Variants in GSE1 observed in about 807,000 individuals in gnomAD.
The protein encoded by GSE1 is Gse1 coiled-coil protein, also known as genetic suppressor element 1.
Under a neutral mutation model 112.6 loss-of-function variants are expected in GSE1, and 32 were observed. The observed-to-expected ratio is 0.28, with a 90% CI of 0.21 to 0.38. GSE1 has a LOEUF of 0.38. Among genes scored for constraint, GSE1 ranks in the 10% least tolerant of loss-of-function variants. The probability of loss-of-function intolerance (pLI) is 1.00; values close to 1 mark genes in which losing one functional copy is unlikely to be tolerated. For synonymous variants in GSE1, 1,115 were observed against 735.6 expected, an observed-to-expected ratio of 1.52 and a Z score of -8.35; for missense variants, 2,348 against 1,699.2, an observed-to-expected ratio of 1.38 and a Z score of -6.71.
chr16:85,590,774 C>T (rs758566998), intron 1 of GSE1, among the ~76,000 whole-genome samples: 8 of 152,176 alleles, frequency 5.3e-5, no homozygotes, highest in Non-Finnish European at 8.8e-5. Context: ...GGCTCCCGCC[C>T]GGCCACGCTG....
At chr16:85,390,148 G>C (rs921149197) in intron 2 of GSE1, among the ~76,000 whole-genome samples, 1 of 152,170 alleles carries the variant, frequency 6.6e-6, no homozygotes, top group Non-Finnish European at 1.5e-5. Flanking sequence ...GTTGTACAAA[G>C]GGAACTGTGT....
intron 2 of GSE1, among the ~76,000 whole-genome samples, chr16:85,465,540 T>C (rs564479059): frequency 3.4e-4 from 52 of 152,316 alleles, no homozygotes; most frequent in African/African-American, 1.2e-3. Context: ...GTCAGTGTCA[T>C]AAATGTCAGC....
rs568661840 is a variant in GSE1 at position 85,523,770 on chromosome 16, A to G, written c.2465-110144A>G. Among the ~76,000 whole-genome samples the G allele has an allele frequency of 3.9e-5, 6 of 152,320 alleles. No homozygotes were observed. The East Asian group carries it at 1.2e-3, about 29-fold the overall frequency. ...GCTGCCTGGCCTGGTAGCTCAGTCT[A>G]GGTGTCACGTTTTCCCCAGGAGAGG... is the stretch of plus-strand genomic sequence containing the variant. On this transcript the variant is annotated intron_variant, in intron 2 of 2. Transcript: ENST00000637419.
At chr16:85,556,623 T>C (rs934446207) in intron 1 of GSE1, among the ~76,000 whole-genome samples, 4 of 150,106 alleles carry the variant, frequency 2.7e-5, no homozygotes, top group African/African-American at 7.3e-5. Context: ...CTCGCTCCTT[T>C]TGTCTGCCGG....
chr16:85,266,724 T>A (rs1180735989), intron 1 of GSE1, among the ~76,000 whole-genome samples: 1 of 148,872 alleles, frequency 6.7e-6, no homozygotes, highest in Non-Finnish European at 1.5e-5. Flanking sequence ...GAGGGGTGGC[T>A]GTTTGCTGGG....
At chr16:85,546,652 C>T (rs1370157901) in intron 2 of GSE1, among the ~76,000 whole-genome samples, 8 of 152,224 alleles carry the variant, frequency 5.3e-5, no homozygotes, top group Non-Finnish European at 1.2e-4. Flanking sequence ...AAAACAGAGG[C>T]TCGCACAGGC....
At chr16:85,559,297 A>G (rs916625692) in intron 1 of GSE1, among the ~76,000 whole-genome samples, 4 of 152,186 alleles carry the variant, frequency 2.6e-5, no homozygotes, top group Admixed American at 2.0e-4. Context: ...GGGCTCAGCA[A>G]TTGCCCAGCT....
intron 1 of GSE1, among the ~76,000 whole-genome samples, chr16:85,344,038 C>A (rs919339215): frequency 6.6e-6 from 1 of 152,186 alleles, no homozygotes; most frequent in Non-Finnish European, 1.5e-5. Flanking sequence ...AACTCAGATA[C>A]GTCTCCTTCA....
At chr16:85,316,815 G>A (rs1486571220) in intron 1 of GSE1, among the ~76,000 whole-genome samples, 3 of 152,212 alleles carry the variant, frequency 2.0e-5, no homozygotes, top group African/African-American at 7.2e-5. Context: ...ATGATGGGGT[G>A]TCAGGGGCTG....
At chr16:85,648,984 C>T (rs968549900) in intron 3 of GSE1, among the ~76,000 whole-genome samples, 6 of 152,128 alleles carry the variant, frequency 3.9e-5, no homozygotes, top group Non-Finnish European at 7.4e-5. Flanking sequence ...AGAAACCACC[C>T]GCTGGGGGTG....
chr16:85,556,394 G>A (rs2045212419), intron 1 of GSE1: 1 of 977,486 alleles, frequency 1.0e-6, no homozygotes, highest in Non-Finnish European at 1.2e-6. Flanking sequence ...CCTGGGTCCC[G>A]CGCGGCGCCG....
chr16:85,567,000 G>C (rs1388499656), intron 1 of GSE1, among the ~76,000 whole-genome samples: 1 of 152,006 alleles, frequency 6.6e-6, no homozygotes, highest in African/African-American at 2.4e-5. Context: ...CTTTATCTTA[G>C]ATCTTAAGGG....
rs902505585 is a variant in GSE1 at position 85,256,009 on chromosome 16, C to T, written c.2283+84202C>T. Reference sequence around the variant, plus strand: ...GGCCAGTGCCTACTTCTCAATCCTGCGTGACCTCGGGCAAGTCCCTTAACC... The same window carrying T: ...GGCCAGTGCCTACTTCTCAATCCTGTGTGACCTCGGGCAAGTCCCTTAACC... On this transcript the variant is annotated intron_variant, in intron 1 of 2. Coordinates refer to the GSE1 transcript ENST00000637419. 3.3e-5 allele frequency among the ~76,000 whole-genome samples: 5 copies of T among 152,348 alleles called. No individual in the cohort carries two copies. In the South Asian group the frequency reaches 8.3e-4, roughly 25 times the overall value.
intron 1 of GSE1, among the ~76,000 whole-genome samples, chr16:85,596,824 C>G (rs1012441929): frequency 6.6e-6 from 1 of 152,022 alleles, no homozygotes; most frequent in Non-Finnish European, 1.5e-5. Flanking sequence ...TCGCTTGAAG[C>G]CAGGACTTCG....
chr16:85,476,664 C>T (rs2050465069), intron 2 of GSE1, among the ~76,000 whole-genome samples: 1 of 151,988 alleles, frequency 6.6e-6, no homozygotes, highest in Non-Finnish European at 1.5e-5. Flanking sequence ...GAGACAGGGT[C>T]ACTCTGGCAT....
chr16:85,505,633 A>G (rs1485842361), intron 2 of GSE1, among the ~76,000 whole-genome samples: 1 of 152,160 alleles, frequency 6.6e-6, no homozygotes, highest in Non-Finnish European at 1.5e-5. Context: ...CGGGGGGCAC[A>G]TGCTCAGGGT....
chr16:85,498,839 C>T (rs1315831184), intron 2 of GSE1, among the ~76,000 whole-genome samples: 1 of 152,240 alleles, frequency 6.6e-6, no homozygotes, highest in Non-Finnish European at 1.5e-5. Context: ...CTGTCTGGCC[C>T]AGCCACCCTT....
At chr16:85,551,564 C>T (rs1033930600), upstream of GSE1, among the ~76,000 whole-genome samples, 2 of 152,250 alleles carry the variant, frequency 1.3e-5, no homozygotes, top group African/African-American at 4.8e-5. Context: ...GGGAGGCTCA[C>T]GGCGGGGCAC....
intron 2 of GSE1, among the ~76,000 whole-genome samples, chr16:85,422,683 G>A (rs78618507): frequency 2.0e-3 from 309 of 152,340 alleles, no homozygotes; most frequent in African/African-American, 7.0e-3. Flanking sequence ...GAGGCGAGAG[G>A]AGAGAGATCC....
Sources: gnomAD v4.1 joint callset for allele counts (sites outside exome capture counted in the v4.1 genomes callset) on GRCh38, gnomAD v4.1.1 for gene constraint, MANE v1.5 for transcripts, NCBI Gene and HGNC (gene_info 2026-07-23, HGNC 2026-07-21) for gene names.